Variants in TRDN observed in about 807,000 individuals in gnomAD.
TRDN encodes triadin, also known as triadin in skeletal muscle.
TRDN carries 161 observed loss-of-function variants against 149.7 expected under a neutral mutation model. The observed-to-expected ratio is 1.08, with a 90% CI of 0.95 to 1.23. The LOEUF is 1.23. Ranked by LOEUF, TRDN falls within the 50% of genes most tolerant of loss-of-function variation. The pLI is 0.00. For synonymous variants in TRDN, 294 were observed against 250.5 expected, an observed-to-expected ratio of 1.17 and a Z score of -1.64; for missense variants, 896 against 823.5, an observed-to-expected ratio of 1.09 and a Z score of -1.08.
intron 13 of TRDN, among the ~76,000 whole-genome samples, chr6:123,391,928 G>A (rs1772491000): frequency 6.6e-6 from 1 of 151,966 alleles, no homozygotes; most frequent in Non-Finnish European, 1.5e-5. Flanking sequence ...TTAATTATAT[G>A]CCTATGGCAT....
In TRDN at chr6:123,422,734, G is replaced by A. The variant is rs1773961581; in HGVS notation, c.1051+15329C>T. The stretch of plus-strand genomic sequence containing the variant: ...GGTCAAAGTGGTTAAATAAAATGGG[G>A]CAAGTTTATGTAACAAGACTTAGGC... On this transcript the variant is annotated intron_variant, in intron 12 of 40. Coordinates refer to ENST00000334268, the MANE Select transcript of TRDN (RefSeq NM_006073.4). 2.6e-5 allele frequency among the ~76,000 whole-genome samples: 4 copies of A among 152,056 alleles called. No homozygotes were observed. In the South Asian group the frequency reaches 8.3e-4, roughly 32 times the overall value.
intron 14 of TRDN, among the ~76,000 whole-genome samples, chr6:123,385,049 T>G (rs1475884975): frequency 1.3e-5 from 2 of 152,174 alleles, no homozygotes; most frequent in Non-Finnish European, 2.9e-5. Flanking sequence ...CAGTGATGTG[T>G]TTGCCATCTG....
At chr6:123,358,387 A>T (rs141073188) in intron 20 of TRDN, among the ~76,000 whole-genome samples, 269 of 152,056 alleles carry the variant, frequency 1.8e-3, no homozygotes, top group African/African-American at 5.8e-3. Context: ...CCAATTCTCC[A>T]ATACAATTGA....
intron 33 of TRDN, among the ~76,000 whole-genome samples, chr6:123,263,404 C>A (rs534690234): frequency 6.6e-6 from 1 of 151,942 alleles, no homozygotes; most frequent in Non-Finnish European, 1.5e-5. Flanking sequence ...ACCTGCGTAA[C>A]GTAAAAGTAT....
intron 26 of TRDN, among the ~76,000 whole-genome samples, chr6:123,277,369 C>CAG (rs1777405207): frequency 6.6e-6 from 1 of 152,140 alleles, no homozygotes; most frequent in African/African-American, 2.4e-5. Context: ...TTGGGCCAGC[C>CAG]AGAGAATGGA....
intron 24 of TRDN, among the ~76,000 whole-genome samples, chr6:123,296,070 T>C (rs1389767228): frequency 2.0e-5 from 3 of 152,172 alleles, no homozygotes; most frequent in Admixed American, 1.3e-4. Context: ...GCAGTTCAGA[T>C]AAAAATCAAC....
chr6:123,456,815 G>A (rs1469180196), intron 10 of TRDN: 8 of 455,804 alleles, frequency 1.8e-5, no homozygotes, highest in Non-Finnish European at 3.1e-5. Flanking sequence ...AAATACACTT[G>A]GTCTTGAAGA....
At chr6:123,444,589 G>A (rs1202134274) in intron 10 of TRDN, among the ~76,000 whole-genome samples, 11 of 149,968 alleles carry the variant, frequency 7.3e-5, no homozygotes, top group Non-Finnish European at 1.5e-4. Flanking sequence ...GGGCATCCCT[G>A]TCTTGTGCCA....
At chr6:123,418,321 A>ATGTG (rs150557519) in intron 12 of TRDN, among the ~76,000 whole-genome samples, 2 of 148,762 alleles carry the variant, frequency 1.3e-5, no homozygotes, top group African/African-American at 4.9e-5. Flanking sequence ...GTGTGTGTGT[A>ATGTG]TGTGTGTGTG....
At chr6:123,636,657 A>T in intron 1 of TRDN, 97 bp downstream of exon 1, 1 of 1,457,092 alleles carries the variant, frequency 6.9e-7, no homozygotes. Context: ...AATTACCTTA[A>T]AGCAACATTT....
chr6:123,602,092 TG>T (rs1216427855), intron 1 of TRDN, among the ~76,000 whole-genome samples: 1 of 152,174 alleles, frequency 6.6e-6, no homozygotes, highest in Non-Finnish European at 1.5e-5. Context: ...ATATAGTCCC[TG>T]CTCTCATGAC....
intron 10 of TRDN, among the ~76,000 whole-genome samples, chr6:123,440,496 C>A (rs758031386): frequency 1.3e-5 from 2 of 152,196 alleles, no homozygotes; most frequent in Non-Finnish European, 2.9e-5. Flanking sequence ...GTGAATTTTA[C>A]ATCTTCTCTA....
At position 123,605,419 on chromosome 6, in the gene TRDN, G is replaced by A. The variant is rs368810781; in HGVS notation, c.22+31335C>T. On this transcript the variant is annotated intron_variant, in intron 1 of 40. Transcript: ENST00000334268. ...TTTTAGAAGAAAGCCTGAAATAATTGACATAACACATCAGATGTGTAAGAT... is the reference window on the plus strand; with the variant it reads ...TTTTAGAAGAAAGCCTGAAATAATTAACATAACACATCAGATGTGTAAGAT... 1.6e-4 allele frequency among the ~76,000 whole-genome samples: 24 copies of A among 151,756 alleles called. 1 individual carries two copies. Among genetic ancestry groups the A allele is most frequent in the East Asian group, 1.5e-3 (8 of 5,164 alleles).
chr6:123,285,895 C>G (rs774488678), intron 24 of TRDN, among the ~76,000 whole-genome samples: 20 of 151,884 alleles, frequency 1.3e-4, no homozygotes, highest in Non-Finnish European at 1.6e-4. Context: ...AAAGAAGATA[C>G]ATAAATGGCC....
At chr6:123,235,496 C>A (rs185215121) in intron 38 of TRDN, among the ~76,000 whole-genome samples, 1 of 152,000 alleles carries the variant, frequency 6.6e-6, no homozygotes, top group African/African-American at 2.4e-5. Flanking sequence ...AAAAAGCAAC[C>A]CAGCTAGGAA....
intron 9 of TRDN, among the ~76,000 whole-genome samples, chr6:123,476,799 A>G (rs1289610932): frequency 2.0e-5 from 3 of 151,332 alleles, no homozygotes; most frequent in Non-Finnish European, 4.4e-5. Context: ...GAGAAAAACA[A>G]GCAATGGGGA....
At chr6:123,452,636 T>C (rs1325292508) in intron 10 of TRDN, among the ~76,000 whole-genome samples, 2 of 152,168 alleles carry the variant, frequency 1.3e-5, no homozygotes, top group African/African-American at 4.8e-5. Flanking sequence ...CCCACGCTTA[T>C]GGATGGATAT....
chr6:123,557,273 C>T (rs77327462), intron 2 of TRDN, among the ~76,000 whole-genome samples: 7 of 151,958 alleles, frequency 4.6e-5, no homozygotes, highest in South Asian at 4.2e-4. Context: ...AATTTGGTGC[C>T]GTGACTCGGA....
chr6:123,292,260 G>A (rs543102346), intron 24 of TRDN, among the ~76,000 whole-genome samples: 32 of 152,170 alleles, frequency 2.1e-4, no homozygotes, highest in Non-Finnish European at 3.5e-4. Flanking sequence ...CCCCATGGCT[G>A]GGGCATTTGG....
Sources: gnomAD v4.1 joint callset for allele counts (sites outside exome capture counted in the v4.1 genomes callset) on GRCh38, gnomAD v4.1.1 for gene constraint, MANE v1.5 for transcripts, NCBI Gene and HGNC (gene_info 2026-07-23, HGNC 2026-07-21) for gene names.